Variants in KATNAL2 observed in about 807,000 individuals in gnomAD.
The protein encoded by KATNAL2 is katanin catalytic subunit A1 like 2.
In KATNAL2, 52 loss-of-function variants were observed where a neutral mutation model predicts 76.3. That is an observed-to-expected ratio of 0.68 (90% CI 0.55 to 0.86). The LOEUF is 0.86. KATNAL2 is among the 40% of genes least tolerant of loss of function. The probability of loss-of-function intolerance (pLI) is 0.00; values close to 1 mark genes in which losing one functional copy is unlikely to be tolerated. For missense variants in KATNAL2, 660 were observed against 668.9 expected (o/e 0.99, Z 0.15); for synonymous variants, 243 against 244.2 (o/e 1.00, Z 0.05).
intron 3 of KATNAL2, among the ~76,000 whole-genome samples, chr18:47,038,394 G>A (rs545979549): frequency 9.4e-4 from 143 of 152,290 alleles, no homozygotes; most frequent in African/African-American, 3.4e-3. Context: ...GCTTTTATTA[G>A]GGTTGCTATG....
At chr18:47,031,982 A>C (rs931008079) in intron 3 of KATNAL2, among the ~76,000 whole-genome samples, 1 of 152,212 alleles carries the variant, frequency 6.6e-6, no homozygotes, top group Non-Finnish European at 1.5e-5. Context: ...AAAAGTTTTA[A>C]GAAAGCTAGC....
chr18:46,965,363 T>C (rs866299085), intron 3 of KATNAL2, among the ~76,000 whole-genome samples: 1,180 of 113,892 alleles, frequency 0.01, 327 homozygotes, highest in African/African-American at 0.022. Context: ...GATTGTCAGG[T>C]GGACGCCTCA....
At chr18:46,958,220 T>C (rs1255554899) in intron 3 of KATNAL2, among the ~76,000 whole-genome samples, 4 of 152,096 alleles carry the variant, frequency 2.6e-5, no homozygotes, top group African/African-American at 7.2e-5. Flanking sequence ...CACCATCTAC[T>C]CTCCTGGTTC....
rs950387252 is a variant in KATNAL2, at chr18:46,953,766, A to C, written c.51+6843A>C. Reference sequence around the variant, plus strand: ...ATGGAGACCCCGTCTCAAAAAAAAAAAGATATAAAAAATGAGACACCTAAA... The same window carrying C: ...ATGGAGACCCCGTCTCAAAAAAAAACAGATATAAAAAATGAGACACCTAAA... On this transcript the variant is annotated intron_variant, in intron 3 of 17. Transcript: ENST00000683218. Among the ~76,000 whole-genome samples the C allele has an allele frequency of 4.6e-5, 7 of 152,114 alleles. No homozygotes were observed. In the South Asian group the frequency reaches 6.2e-4, roughly 14 times the overall value.
At chr18:47,035,806 C>CA (rs1247336050) in intron 3 of KATNAL2, among the ~76,000 whole-genome samples, 4 of 152,046 alleles carry the variant, frequency 2.6e-5, no homozygotes, top group Non-Finnish European at 5.9e-5. Flanking sequence ...CTGTGAATTC[C>CA]AAAAAACACA....
Position 46,938,683 on chromosome 18 carries a change from T to C in KATNAL2, c.-509-7374T>C, listed in dbSNP as rs971045262. Among the ~76,000 whole-genome samples, 4 of 152,270 alleles carry C rather than the reference T, an allele frequency of 2.6e-5. No individual in the cohort carries two copies. The South Asian group carries it at 6.2e-4, about 24-fold the overall frequency. ...AACATCCATGATAATATTTTATAAATATAAATTAGATCTCACCACCCTCCT... is the reference window on the plus strand; with the variant it reads ...AACATCCATGATAATATTTTATAAACATAAATTAGATCTCACCACCCTCCT... On this transcript the variant is annotated intron_variant, in intron 1 of 17. Transcript: ENST00000683218.
At chr18:47,072,514 C>T (rs1246328346) in intron 13 of KATNAL2, among the ~76,000 whole-genome samples, 1 of 152,198 alleles carries the variant, frequency 6.6e-6, no homozygotes, top group Non-Finnish European at 1.5e-5. Flanking sequence ...GGCACTATCA[C>T]AGCTGACTGC....
chr18:46,944,321 T>C (rs2059325760), intron 1 of KATNAL2, among the ~76,000 whole-genome samples: 1 of 152,176 alleles, frequency 6.6e-6, no homozygotes, highest in Non-Finnish European at 1.5e-5. Flanking sequence ...ATTGAAAATA[T>C]TAAAAATAAG....
intron 12 of KATNAL2, 40 bp from the exon 13 acceptor site, chr18:47,069,442 A>G: frequency 6.7e-7 from 1 of 1,491,152 alleles, no homozygotes; most frequent in Non-Finnish European, 9.3e-7. Context: ...AGGGGGATGG[A>G]GTTGAAATGC....
intron 6 of KATNAL2, among the ~76,000 whole-genome samples, 176 bp from the exon 7 acceptor site, chr18:47,058,059 G>T (rs1227374734): frequency 2.0e-5 from 3 of 152,234 alleles, no homozygotes; most frequent in African/African-American, 7.2e-5. Flanking sequence ...CCTGGAGGGT[G>T]TTAGGGCCAG....
At chr18:46,919,367 T>G (rs924014514) in intron 1 of KATNAL2, among the ~76,000 whole-genome samples, 6 of 151,890 alleles carry the variant, frequency 4.0e-5, no homozygotes, top group African/African-American at 1.5e-4. Flanking sequence ...ATTCCTGTAA[T>G]CCCAGCTACT....
chr18:46,954,326 C>CTTTT (rs57075892), intron 3 of KATNAL2, among the ~76,000 whole-genome samples: 6 of 121,128 alleles, frequency 5.0e-5, no homozygotes, highest in Admixed American at 8.8e-5. Flanking sequence ...TCTTCTTCGT[C>CTTTT]TTTTTTTTTT....
intron 4 of KATNAL2, among the ~76,000 whole-genome samples, chr18:47,049,935 G>A (rs533744663): frequency 3.9e-5 from 6 of 152,284 alleles, no homozygotes; most frequent in Non-Finnish European, 7.4e-5. Context: ...ATCTCGCTAT[G>A]TAGACATAGC....
At chr18:47,092,711 A>G (rs1409105095) in intron 15 of KATNAL2, among the ~76,000 whole-genome samples, 3 of 152,118 alleles carry the variant, frequency 2.0e-5, no homozygotes, top group Non-Finnish European at 4.4e-5. Context: ...TCCTGCACCT[A>G]GTCTATAGAG....
At chr18:46,946,620 T>A in intron 2 of KATNAL2, 74 bp downstream of exon 2, 1 of 927,726 alleles carries the variant, frequency 1.1e-6, no homozygotes, top group African/African-American at 1.8e-5. Context: ...GCCCGCCCTG[T>A]GCTCTAACAA....
At chr18:47,096,093 G>A (rs766014157) in intron 15 of KATNAL2, among the ~76,000 whole-genome samples, 2 of 152,170 alleles carry the variant, frequency 1.3e-5, no homozygotes, top group African/African-American at 4.8e-5. Context: ...CCTGGACTAT[G>A]GATTCTCAGC....
At chr18:46,953,514 C>T (rs2059629769) in intron 3 of KATNAL2, among the ~76,000 whole-genome samples, 1 of 152,124 alleles carries the variant, frequency 6.6e-6, no homozygotes, top group Admixed American at 6.6e-5. Context: ...GGCACCACCC[C>T]TGTGTTAGAG....
intron 3 of KATNAL2, among the ~76,000 whole-genome samples, chr18:46,947,739 C>T (rs1020723525): frequency 1.3e-5 from 2 of 152,170 alleles, no homozygotes; most frequent in Non-Finnish European, 2.9e-5. Flanking sequence ...TTATGAACCA[C>T]AGCTCTAGTA....
intron 3 of KATNAL2, among the ~76,000 whole-genome samples, chr18:46,948,411 C>T (rs7244979): frequency 0.013 from 1,924 of 151,276 alleles, 38 homozygotes; most frequent in African/African-American, 0.043. Flanking sequence ...CATGCCTGGC[C>T]GACTTCTTCT....
Sources: allele counts gnomAD v4.1 joint callset (sites outside exome capture counted in the v4.1 genomes callset), GRCh38; gene constraint gnomAD v4.1.1; transcripts MANE v1.5; gene names NCBI Gene and HGNC (gene_info 2026-07-23, HGNC 2026-07-21).